DNM1L: variants seen among roughly 807,000 people sequenced by gnomAD.
The protein encoded by DNM1L is dynamin-1-like protein.
A neutral mutation model predicts 92.8 loss-of-function variants in DNM1L; 33 were observed. That is an observed-to-expected ratio of 0.36 (90% CI 0.27 to 0.48). The LOEUF (loss-of-function observed/expected upper bound fraction) is 0.48, where lower values mean the gene tolerates loss of function less well. Among genes scored for constraint, DNM1L ranks in the 20% least tolerant of loss-of-function variants. DNM1L has a pLI of 0.99. For missense variants in DNM1L, 485 were observed against 888.8 expected, an observed-to-expected ratio of 0.55 and a Z score of 5.78; for synonymous variants, 284 against 305.0, an observed-to-expected ratio of 0.93 and a Z score of 0.72.
intron 9 of DNM1L, among the ~76,000 whole-genome samples, chr12:32,724,589 A>ATAT (rs1555123381): frequency 4.6e-4 from 37 of 80,774 alleles, no homozygotes; most frequent in South Asian, 2.4e-3. Flanking sequence ...AAAAAAAAAA[A>ATAT]AAAAATATAT....
chr12:32,698,871 A>G (rs185583013), intron 1 of DNM1L, among the ~76,000 whole-genome samples: 1 of 152,152 alleles, frequency 6.6e-6, no homozygotes, highest in African/African-American at 2.4e-5. Flanking sequence ...TCCTGAATGT[A>G]AGTGGTGTGG....
intron 12 of DNM1L, 93 bp downstream of exon 12, chr12:32,732,036 T>C: frequency 1.1e-6 from 1 of 911,550 alleles, no homozygotes; most frequent in Admixed American, 1.8e-5. Context: ...TATGGTTACT[T>C]TAGAGTGTAG....
At chr12:32,717,968 T>G (rs1448708897) in intron 6 of DNM1L, among the ~76,000 whole-genome samples, 48 of 102,808 alleles carry the variant, frequency 4.7e-4, no homozygotes, top group African/African-American at 6.1e-4. Context: ...AGTATATATA[T>G]TATATATAGT....
chr12:32,706,688 A>G (rs1235898828), intron 2 of DNM1L: 1 of 454,900 alleles, frequency 2.2e-6, no homozygotes, highest in Non-Finnish European at 4.4e-6. Context: ...TCCTGCCTCC[A>G]GTTCCAAGGG....
chr12:32,724,591 A>ATATATATAT (rs767664262), intron 9 of DNM1L, among the ~76,000 whole-genome samples: 4 of 68,870 alleles, frequency 5.8e-5, no homozygotes, highest in South Asian at 8.3e-4. Context: ...AAAAAAAAAA[A>ATATATATAT]AAATATATAT....
intron 1 of DNM1L, among the ~76,000 whole-genome samples, chr12:32,699,321 G>T (rs866004549): frequency 6.6e-6 from 1 of 151,788 alleles, no homozygotes; most frequent in Non-Finnish European, 1.5e-5. Context: ...TAAAAAGTTG[G>T]AAAATATTTA....
At chr12:32,708,046 C>G in intron 3 of DNM1L, 107 bp from the exon 4 acceptor site, 1 of 632,750 alleles carries the variant, frequency 1.6e-6, no homozygotes, top group South Asian at 1.9e-5. Context: ...TATTTATTTT[C>G]TGAAGCAAAT....
intron 1 of DNM1L, among the ~76,000 whole-genome samples, chr12:32,685,184 G>T (rs867433195): frequency 1.3e-5 from 2 of 151,698 alleles, no homozygotes; most frequent in Non-Finnish European, 2.9e-5. Context: ...TGATCCACCC[G>T]CCTCGGCCTC....
At chr12:32,699,557 A>G (rs1318278248) in intron 1 of DNM1L, among the ~76,000 whole-genome samples, 1 of 152,134 alleles carries the variant, frequency 6.6e-6, no homozygotes, top group Non-Finnish European at 1.5e-5. Context: ...ATGCTTTGGG[A>G]GGCTGAGGCG....
chr12:32,703,052 TCTCTC>T (rs1188452860), intron 2 of DNM1L, among the ~76,000 whole-genome samples: 44 of 146,990 alleles, frequency 3.0e-4, no homozygotes, highest in South Asian at 4.4e-4. Flanking sequence ...TCTTTCTCTC[TCTCTC>T]TTTTTTTTTT....
At chr12:32,702,559 G>A (rs551362361) in intron 2 of DNM1L, among the ~76,000 whole-genome samples, 1 of 152,200 alleles carries the variant, frequency 6.6e-6, no homozygotes, top group East Asian at 1.9e-4. Flanking sequence ...TGTTTTCAAT[G>A]CAGTTTTATT....
intron 1 of DNM1L, among the ~76,000 whole-genome samples, chr12:32,682,353 A>C (rs538269185): frequency 6.6e-6 from 1 of 152,212 alleles, no homozygotes; most frequent in East Asian, 1.9e-4. Flanking sequence ...GCTGGTATCC[A>C]ACTCCCGACC....
intron 1 of DNM1L, among the ~76,000 whole-genome samples, chr12:32,693,018 T>G (rs1952292804): frequency 6.6e-6 from 1 of 152,224 alleles, no homozygotes; most frequent in African/African-American, 2.4e-5. Context: ...CTGCGGATAT[T>G]CATATAAATG....
intron 16 of DNM1L, 145 bp downstream of exon 16, chr12:32,738,441 G>GTGGAAGAT: frequency 1.2e-6 from 1 of 842,814 alleles, no homozygotes; most frequent in South Asian, 1.8e-5. Flanking sequence ...TATCTAACCT[G>GTGGAAGAT]TGGAAGATGG....
At chr12:32,691,007 G>A (rs1206065707) in intron 1 of DNM1L, among the ~76,000 whole-genome samples, 3 of 152,130 alleles carry the variant, frequency 2.0e-5, no homozygotes, top group African/African-American at 7.2e-5. Context: ...GTTTGCTAGG[G>A]CTGCCATAAC....
At chr12:32,738,570 G>A (rs982257931) in intron 16 of DNM1L, among the ~76,000 whole-genome samples, 2 of 152,146 alleles carry the variant, frequency 1.3e-5, no homozygotes, top group African/African-American at 4.8e-5. Context: ...AGATTTCAGA[G>A]ATGGAATTGT....
chr12:32,701,659 T>C, intron 2 of DNM1L, 97 bp downstream of exon 2: 1 of 1,125,066 alleles, frequency 8.9e-7, no homozygotes, highest in Non-Finnish European at 1.3e-6. Context: ...AATTAGTGAC[T>C]GTAGCATAGT....
In DNM1L at chr12:32,736,858, A is replaced by G. The variant is rs73298048; in HGVS notation, c.1540-247A>G. 6.9e-3 allele frequency: 3,328 copies of G among 479,508 alleles called. 87 individuals are homozygous for G. Among genetic ancestry groups the G allele is most frequent in the African/African-American group, 0.059 (3,005 of 51,308 alleles). The allele number at this position is 479,508 out of a possible 1,614,324, so 29.7% of individuals were successfully genotyped here. A position where few individuals can be genotyped will look rare whatever the true frequency, so the allele number is the denominator to read the frequency against. On this transcript the variant is annotated intron_variant, in intron 13 of 19. Transcript: ENST00000549701. ...CCCCTCATTTGAGAATCCCCAGTACAGGGAGCCACTGTTACTGACAGTGTA... is the reference window on the plus strand; with the variant it reads ...CCCCTCATTTGAGAATCCCCAGTACGGGGAGCCACTGTTACTGACAGTGTA...
At chr12:32,742,481 A>G (rs566519532) in intron 18 of DNM1L, 108 bp from the exon 19 acceptor site, 2 of 1,336,170 alleles carry the variant, frequency 1.5e-6, no homozygotes, top group Middle Eastern at 2.4e-4. Context: ...GAAATATCCA[A>G]AGTAGTAGTG....
Sources: allele counts gnomAD v4.1 joint callset (sites outside exome capture counted in the v4.1 genomes callset), GRCh38; gene constraint gnomAD v4.1.1; transcripts MANE v1.5; gene names NCBI Gene and HGNC (gene_info 2026-07-23, HGNC 2026-07-21).